CD55: variants seen among roughly 807,000 people sequenced by gnomAD.
CD55 encodes the protein CD55 molecule (Cromer blood group).
Under a neutral mutation model 45.8 loss-of-function variants are expected in CD55, and 41 were observed. The ratio of observed to expected loss-of-function variants is 0.90; its 90% CI spans 0.70 to 1.16. The LOEUF is 1.16. Ranked by LOEUF, CD55 falls within the 50% of genes most tolerant of loss-of-function variation. CD55 has a pLI of 0.00. For synonymous variants in CD55, 181 were observed against 181.1 expected (o/e 1.00, Z 0.01); for missense variants, 416 against 469.8 (o/e 0.89, Z 1.06).
chr1:207,324,298 ATTT>A (rs57832566), intron 2 of CD55, among the ~76,000 whole-genome samples: 1 of 144,638 alleles, frequency 6.9e-6, no homozygotes, highest in African/African-American at 2.5e-5. Context: ...GGCAACTTAA[ATTT>A]TTTTTTTTTT....
chr1:207,326,525 A>T (rs1307543954), intron 4 of CD55, among the ~76,000 whole-genome samples: 1 of 152,218 alleles, frequency 6.6e-6, no homozygotes, highest in African/African-American at 2.4e-5. Context: ...CATATTCCCC[A>T]TGCAAATAAA....
At chr1:207,325,461 ATTATC>A (rs1335528269) in intron 3 of CD55, among the ~76,000 whole-genome samples, 156 bp from the exon 4 acceptor site, 2 of 152,064 alleles carry the variant, frequency 1.3e-5, no homozygotes, top group African/African-American at 2.4e-5. Context: ...ATCGACAAAT[ATTATC>A]TTAGGTGTAC....
intron 6 of CD55, among the ~76,000 whole-genome samples, chr1:207,333,032 C>T (rs1348202995): frequency 6.6e-6 from 1 of 152,146 alleles, no homozygotes; most frequent in African/African-American, 2.4e-5. Flanking sequence ...TTGAGGCCCT[C>T]AAATGCAGAA....
intron 5 of CD55, among the ~76,000 whole-genome samples, chr1:207,330,715 G>A (rs148617659): frequency 6.6e-6 from 1 of 152,130 alleles, no homozygotes; most frequent in African/African-American, 2.4e-5. Context: ...GTACATATTA[G>A]GTTTAAACTC....
Position 207,330,701 on chromosome 1 carries a change from C to T in CD55, c.665-407C>T, listed in dbSNP as rs28371611. Among the ~76,000 whole-genome samples, 717 of 152,318 alleles carry T rather than the reference C, an allele frequency of 4.7e-3. 4 individuals are homozygous for T. Among genetic ancestry groups the T allele is most frequent in the African/African-American group, 0.016 (665 of 41,564 alleles). ...TTTCTCCGCTGTTCTCTCTCAAAAG[C>T]ATGGTACATATTAGGTTTAAACTCA... On this transcript the variant is annotated intron_variant, in intron 5 of 9. Transcript: ENST00000367064.
At chr1:207,353,692 T>C (rs905441316) in intron 9 of CD55, among the ~76,000 whole-genome samples, 1 of 152,058 alleles carries the variant, frequency 6.6e-6, no homozygotes, top group African/African-American at 2.4e-5. Context: ...AAAGGAAGTA[T>C]GTGAATTTCC....
chr1:207,356,733 CTCA>C (rs1656089725), intron 9 of CD55, among the ~76,000 whole-genome samples: 1 of 152,082 alleles, frequency 6.6e-6, no homozygotes, highest in Non-Finnish European at 1.5e-5. Flanking sequence ...ATAGTAAGCA[CTCA>C]GATATTAAAA....
intron 9 of CD55, among the ~76,000 whole-genome samples, chr1:207,356,848 C>T (rs982574443): frequency 1.3e-5 from 2 of 152,104 alleles, no homozygotes; most frequent in South Asian, 4.1e-4. Context: ...CTGATGTGTC[C>T]TGTAGACAGA....
At chr1:207,327,775 G>A (rs992194621) in intron 5 of CD55, among the ~76,000 whole-genome samples, 6 of 152,082 alleles carry the variant, frequency 3.9e-5, no homozygotes, top group East Asian at 1.9e-4. Flanking sequence ...CAACTGACAC[G>A]AAGACAAATA....
At chr1:207,333,426 T>C (rs1655037671) in intron 6 of CD55, among the ~76,000 whole-genome samples, 1 of 152,210 alleles carries the variant, frequency 6.6e-6, no homozygotes, top group African/African-American at 2.4e-5. Context: ...GAAACCCAGC[T>C]CAATTCCTAA....
At chr1:207,350,483 A>C (rs1655823295) in intron 9 of CD55, among the ~76,000 whole-genome samples, 1 of 152,118 alleles carries the variant, frequency 6.6e-6, no homozygotes, top group Non-Finnish European at 1.5e-5. Flanking sequence ...CATCTGGTAC[A>C]GGGCTCTTTC....
intron 9 of CD55, among the ~76,000 whole-genome samples, chr1:207,353,551 G>A (rs1262050778): frequency 6.6e-6 from 1 of 152,048 alleles, no homozygotes; most frequent in African/African-American, 2.4e-5. Flanking sequence ...GGGTCTTTAT[G>A]TCTTATTACA....
At chr1:207,359,299 C>T (rs1358471307) in intron 9 of CD55, among the ~76,000 whole-genome samples, 3 of 151,984 alleles carry the variant, frequency 2.0e-5, no homozygotes, top group African/African-American at 4.8e-5. Flanking sequence ...TTCATTCTAG[C>T]TTAGCCACTG....
chr1:207,338,079 T>C (rs1655264350), intron 8 of CD55, among the ~76,000 whole-genome samples: 1 of 152,198 alleles, frequency 6.6e-6, no homozygotes, highest in South Asian at 2.1e-4. Flanking sequence ...TTAAACATTA[T>C]GGATGTTATC....
chr1:207,330,416 G>A (rs1449493413), intron 5 of CD55, among the ~76,000 whole-genome samples: 1 of 151,320 alleles, frequency 6.6e-6, no homozygotes, highest in Non-Finnish European at 1.5e-5. Flanking sequence ...CCAGGGAGTG[G>A]TCCCTTTTTA....
chr1:207,337,308 T>C (rs528556085), intron 7 of CD55, 21 bp from the exon 8 acceptor site: 2 of 1,487,182 alleles, frequency 1.3e-6, no homozygotes, highest in Non-Finnish European at 1.9e-6. Context: ...ACACAAAGAT[T>C]CCCTTCTGCT....
At chr1:207,356,656 T>G (rs1484959930) in intron 9 of CD55, among the ~76,000 whole-genome samples, 1 of 152,188 alleles carries the variant, frequency 6.6e-6, no homozygotes, top group Admixed American at 6.5e-5. Context: ...AGTACCTACC[T>G]CATATGATTA....
At position 207,330,344 on chromosome 1, in the gene CD55, A is replaced by AG. The variant is rs1479848001; in HGVS notation, c.665-762dup. Among the ~76,000 whole-genome samples the AG allele has an allele frequency of 1.3e-4, 19 of 151,334 alleles. No individual in the cohort carries two copies. In the East Asian group the frequency reaches 3.1e-3, roughly 25 times the overall value. ...GCCTTCATTCTTAAAAAAAAAAAAA[A>AG]GGACAACAACATCATGCCTTTAGAT... On this transcript the variant is annotated intron_variant, in intron 5 of 9. Transcript: ENST00000367064.
At chr1:207,350,789 C>CA (rs1008761520) in intron 9 of CD55, among the ~76,000 whole-genome samples, 4 of 151,986 alleles carry the variant, frequency 2.6e-5, no homozygotes, top group Admixed American at 1.3e-4. Context: ...TTTATTCTTT[C>CA]AAAAAACCAG....
Sources: allele counts gnomAD v4.1 joint callset (sites outside exome capture counted in the v4.1 genomes callset), GRCh38; gene constraint gnomAD v4.1.1; transcripts MANE v1.5; gene names NCBI Gene and HGNC (gene_info 2026-07-23, HGNC 2026-07-21).